MNAT1: variants seen among roughly 807,000 people sequenced by gnomAD.
MNAT1 encodes the protein MNAT1 component of CDK activating kinase, also known as CDK-activating kinase assembly factor MAT1.
Under a neutral mutation model 42.0 loss-of-function variants are expected in MNAT1, and 43 were observed. The ratio of observed to expected loss-of-function variants is 1.02; its 90% confidence interval spans 0.80 to 1.32. The LOEUF is 1.32. Among genes scored for constraint, MNAT1 ranks in the 40% most tolerant of loss-of-function variants. The pLI, the probability that MNAT1 is intolerant of heterozygous loss-of-function variation, is 0.00. For synonymous variants in MNAT1, 118 were observed against 120.0 expected (o/e 0.98, Z 0.11); for missense variants, 306 against 350.4 (o/e 0.87, Z 1.01).
intron 1 of MNAT1, among the ~76,000 whole-genome samples, 162 bp downstream of exon 1, chr14:60,735,113 G>T (rs1361370441): frequency 6.6e-6 from 1 of 152,152 alleles, no homozygotes; most frequent in African/African-American, 2.4e-5. Context: ...ATAGACTGTA[G>T]CCGCTAGCCC....
chr14:60,848,596 C>T lies in MNAT1; in HGVS notation c.687+29749C>T, dbSNP rs559674421. 5.3e-5 allele frequency among the ~76,000 whole-genome samples: 8 copies of T among 152,054 alleles called. No individual in the cohort carries two copies. The South Asian group carries it at 8.3e-4, about 16-fold the overall frequency. On this transcript the variant is annotated intron_variant, in intron 6 of 7. Transcript: ENST00000261245. ...TCTTTGTTATAAGAAATGGTGATAC[C>T]GTGTTAATTTTTTTGTTTTACTTCA...
At chr14:60,747,953 A>G (rs1396352763) in intron 1 of MNAT1, among the ~76,000 whole-genome samples, 2 of 152,074 alleles carry the variant, frequency 1.3e-5, no homozygotes, top group African/African-American at 2.4e-5. Flanking sequence ...TCCTAGCACT[A>G]TGGGAGGCCG....
intron 1 of MNAT1, among the ~76,000 whole-genome samples, chr14:60,765,618 A>C (rs1465578352): frequency 6.6e-6 from 1 of 152,234 alleles, no homozygotes; most frequent in Non-Finnish European, 1.5e-5. Context: ...TATAACACAC[A>C]CAAAACATGT....
At chr14:60,883,602 A>T (rs2034597290) in intron 7 of MNAT1, among the ~76,000 whole-genome samples, 1 of 151,920 alleles carries the variant, frequency 6.6e-6, no homozygotes, top group African/African-American at 2.4e-5. Context: ...GGAATTTTTT[A>T]ATTTCTGTGA....
At chr14:60,873,066 A>G (rs949419811) in intron 6 of MNAT1, among the ~76,000 whole-genome samples, 3 of 152,152 alleles carry the variant, frequency 2.0e-5, no homozygotes, top group African/African-American at 7.2e-5. Context: ...TACCCAGTCT[A>G]TATTCAGATT....
intron 7 of MNAT1, among the ~76,000 whole-genome samples, chr14:60,887,175 T>TTTG (rs1000352157): frequency 2.0e-5 from 3 of 151,616 alleles, no homozygotes; most frequent in Admixed American, 6.6e-5. Flanking sequence ...TTGCATTTTT[T>TTTG]TTGTTGTTGT....
chr14:60,869,000 T>C (rs1420107179), intron 6 of MNAT1, among the ~76,000 whole-genome samples: 2 of 146,290 alleles, frequency 1.4e-5, no homozygotes, highest in Non-Finnish European at 3.0e-5. Flanking sequence ...CATGACAACT[T>C]TTTTATATTG....
chr14:60,844,159 T>G (rs541347246), intron 6 of MNAT1, among the ~76,000 whole-genome samples: 2 of 152,236 alleles, frequency 1.3e-5, no homozygotes, highest in Admixed American at 1.3e-4. Context: ...CTATAGTAAT[T>G]CTTGAATTAA....
At chr14:60,871,903 T>A (rs1173766942) in intron 6 of MNAT1, among the ~76,000 whole-genome samples, 3 of 152,122 alleles carry the variant, frequency 2.0e-5, no homozygotes, top group Non-Finnish European at 2.9e-5. Context: ...GATTACAGGC[T>A]TGAGCCACTG....
At chr14:60,741,533 G>A (rs377482989) in intron 1 of MNAT1, among the ~76,000 whole-genome samples, 128 of 151,496 alleles carry the variant, frequency 8.4e-4, no homozygotes, top group Non-Finnish European at 1.7e-3. Flanking sequence ...CTAATTTTTT[G>A]TATTTTTAAT....
chr14:60,765,544 T>G (rs1566756873), intron 1 of MNAT1, among the ~76,000 whole-genome samples: 1 of 152,112 alleles, frequency 6.6e-6, no homozygotes, highest in Non-Finnish European at 1.5e-5. Context: ...AAACAAAGTT[T>G]GGAATATAAC....
intron 6 of MNAT1, among the ~76,000 whole-genome samples, chr14:60,869,036 ATATAT>A (rs1273452137): frequency 1.1e-5 from 1 of 87,930 alleles, no homozygotes; most frequent in Non-Finnish European, 2.6e-5. Context: ...ATATATATAT[ATATAT>A]TTTTTTTTTT....
chr14:60,847,161 T>C (rs138738490), intron 6 of MNAT1, among the ~76,000 whole-genome samples: 1 of 152,238 alleles, frequency 6.6e-6, no homozygotes, highest in East Asian at 1.9e-4. Context: ...CCCCAGCACT[T>C]TGGGAGGCCG....
chr14:60,838,796 C>T (rs1021094522), intron 6 of MNAT1, among the ~76,000 whole-genome samples: 4 of 152,128 alleles, frequency 2.6e-5, no homozygotes, highest in African/African-American at 7.2e-5. Context: ...GGCTTGGAAG[C>T]GCCTGCTCCT....
intron 7 of MNAT1, among the ~76,000 whole-genome samples, chr14:60,912,040 T>G (rs955416100): frequency 3.3e-5 from 5 of 151,836 alleles, no homozygotes; most frequent in Non-Finnish European, 7.4e-5. Context: ...GATAGTTAGC[T>G]CTTCTTGTTG....
At chr14:60,777,867 G>C (rs2031308182) in intron 1 of MNAT1, among the ~76,000 whole-genome samples, 1 of 152,092 alleles carries the variant, frequency 6.6e-6, no homozygotes, top group Admixed American at 6.6e-5. Context: ...GAACAAAGTA[G>C]ACCATAACAA....
At chr14:60,766,516 A>G (rs1447122675) in intron 1 of MNAT1, among the ~76,000 whole-genome samples, 1 of 152,064 alleles carries the variant, frequency 6.6e-6, no homozygotes, top group Non-Finnish European at 1.5e-5. Context: ...GATCGAGACC[A>G]TCCTGGCCAA....
chr14:60,910,772 G>C (rs1233974480), intron 7 of MNAT1, among the ~76,000 whole-genome samples: 1 of 152,086 alleles, frequency 6.6e-6, no homozygotes, highest in East Asian at 1.9e-4. Context: ...CAAGGATATT[G>C]GTCTAAAATT....
chr14:60,828,606 G>A (rs373831066), intron 6 of MNAT1, among the ~76,000 whole-genome samples: 1 of 151,804 alleles, frequency 6.6e-6, no homozygotes, highest in Non-Finnish European at 1.5e-5. Context: ...ACACCAATAG[G>A]ATTTCCTACA....
Sources: gnomAD v4.1 joint callset for allele counts (sites outside exome capture counted in the v4.1 genomes callset) on GRCh38, gnomAD v4.1.1 for gene constraint, MANE v1.5 for transcripts, NCBI Gene and HGNC (gene_info 2026-07-23, HGNC 2026-07-21) for gene names.